Variants in TXNRD2 observed in about 807,000 individuals in gnomAD.
The protein encoded by TXNRD2 is thioredoxin reductase 2, mitochondrial.
TXNRD2 carries 67 observed loss-of-function variants against 70.8 expected under a neutral mutation model. The observed-to-expected ratio is 0.95, with a 90% confidence interval of 0.78 to 1.16. TXNRD2 has a LOEUF of 1.16. Among genes scored for constraint, TXNRD2 ranks in the 50% most tolerant of loss-of-function variants. The pLI, the probability that TXNRD2 is intolerant of heterozygous loss-of-function variation, is 0.00. For synonymous variants in TXNRD2, 301 were observed against 295.8 expected (o/e 1.02, Z -0.18); for missense variants, 644 against 719.9 (o/e 0.89, Z 1.21).
intron 2 of TXNRD2, among the ~76,000 whole-genome samples, chr22:19,930,628 A>G (rs1941320999): frequency 6.6e-6 from 1 of 152,186 alleles, no homozygotes; most frequent in Non-Finnish European, 1.5e-5. Flanking sequence ...CCAGCCTCGC[A>G]GCTAGCCGGG....
At chr22:19,919,454 C>T (rs1940798743) in intron 3 of TXNRD2, 89 bp downstream of exon 3, 3 of 1,205,584 alleles carry the variant, frequency 2.5e-6, no homozygotes, top group Non-Finnish European at 3.6e-6. Flanking sequence ...GGCTGAAGGA[C>T]TTTGGTGTCA....
At chr22:19,919,949 T>C (rs71312725) in intron 2 of TXNRD2, among the ~76,000 whole-genome samples, 19,451 of 152,090 alleles carry the variant, frequency 0.13, 1,362 homozygotes, top group Non-Finnish European at 0.15. Context: ...TGCCCCTGCA[T>C]GTTCACGTTC....
Position 19,931,115 on chromosome 22 carries a change from G to C in TXNRD2, c.104-17C>G. The C allele has an allele frequency of 6.2e-7, 1 of 1,612,008 alleles. No homozygotes were observed. The highest frequency in any genetic ancestry group is 8.5e-7 in the Non-Finnish European group (1 of 1,179,152). ...GCTGACCTGCTGAGAGAAGGGATGA[G>C]AGGTGGGACGGACTGTCTGTCTGGT... On this transcript the variant is annotated splice_polypyrimidine_tract_variant and intron_variant, in intron 1 of 17. Coordinates refer to ENST00000400521, the MANE Select transcript of TXNRD2 (RefSeq NM_006440.5).
intron 5 of TXNRD2, among the ~76,000 whole-genome samples, chr22:19,917,779 C>T (rs1364053919): frequency 6.6e-6 from 1 of 152,152 alleles, no homozygotes; most frequent in East Asian, 1.9e-4. Context: ...TGGGGGCTTG[C>T]CACTGGGATG....
At chr22:19,941,326 G>A (rs1166074294) in intron 1 of TXNRD2, among the ~76,000 whole-genome samples, 1 of 152,176 alleles carries the variant, frequency 6.6e-6, no homozygotes, top group Admixed American at 6.5e-5. Flanking sequence ...AACCTCTAGA[G>A]TCTAGGGGTC....
rs180834747 is a variant in TXNRD2, at chr22:19,925,096, A to C, written c.173-5497T>G. Among the ~76,000 whole-genome samples, 75 of 151,896 alleles carry C rather than the reference A, an allele frequency of 4.9e-4. 2 individuals carry two copies. The highest frequency in any genetic ancestry group is 2.1e-3 in the East Asian group (11 of 5,188). On this transcript the variant is annotated intron_variant, in intron 2 of 17. Coordinates refer to ENST00000400521, the MANE Select transcript of TXNRD2 (RefSeq NM_006440.5). Reference sequence around the variant, plus strand: ...TCAGGAGATCGAGACCATCCTGGCTAACACGGCGAAGCCCCGTTTCTACTA... The same window carrying C: ...TCAGGAGATCGAGACCATCCTGGCTCACACGGCGAAGCCCCGTTTCTACTA...
rs35285035 is a variant in TXNRD2 at position 19,905,914 on chromosome 22, TAA to T, written c.662+5461_662+5462del. 8.9e-3 allele frequency among the ~76,000 whole-genome samples: 1,181 copies of T among 132,296 alleles called. 19 individuals are homozygous for T. The highest frequency in any genetic ancestry group is 0.029 in the African/African-American group (1,029 of 36,024). 86.8% of individuals were successfully genotyped at this position (132,296 alleles called of 152,430 possible). A position where few individuals can be genotyped will look rare whatever the true frequency, so the allele number is the denominator to read the frequency against. The stretch of plus-strand genomic sequence containing the variant: ...ACGCCCATAAGGAAAATACAGGGCT[TAA>T]AAAAAAAAAAAAAAAATCTTGGGGG... On this transcript the variant is annotated intron_variant, in intron 8 of 17. Coordinates refer to ENST00000400521, the MANE Select transcript of TXNRD2 (RefSeq NM_006440.5).
intron 2 of TXNRD2, among the ~76,000 whole-genome samples, chr22:19,928,299 G>T (rs1371326806): frequency 6.6e-6 from 1 of 152,014 alleles, no homozygotes; most frequent in Non-Finnish European, 1.5e-5. Flanking sequence ...TGTCCACAAT[G>T]GCCAAAAGGT....
At chr22:19,935,166 C>T (rs554481539) in intron 1 of TXNRD2, among the ~76,000 whole-genome samples, 3 of 152,198 alleles carry the variant, frequency 2.0e-5, no homozygotes, top group South Asian at 2.1e-4. Context: ...GGAGAGATAT[C>T]GCTAAATTCT....
At chr22:19,915,396 C>A in intron 6 of TXNRD2, 120 bp from the exon 7 acceptor site, 2 of 1,043,610 alleles carry the variant, frequency 1.9e-6, no homozygotes, top group African/African-American at 1.6e-5. Context: ...GTAGCGTGGA[C>A]CCTTGGCCAG....
chr22:19,890,117 C>G (rs1939201615), intron 11 of TXNRD2, among the ~76,000 whole-genome samples: 2 of 152,174 alleles, frequency 1.3e-5, no homozygotes, highest in South Asian at 4.1e-4. Flanking sequence ...TCCTGCTACT[C>G]TGGCCTGGCC....
In TXNRD2 at chr22:19,924,719, C is replaced by G. The variant is rs10427957; in HGVS notation, c.173-5120G>C. On this transcript the variant is annotated intron_variant, in intron 2 of 17. Coordinates refer to ENST00000400521, the MANE Select transcript of TXNRD2 (RefSeq NM_006440.5). Reference sequence around the variant, plus strand: ...TTGAAAACATAGGAATAGAAACTATCCAAAATGAAACGCAGAGTAAGAAAT... The same window carrying G: ...TTGAAAACATAGGAATAGAAACTATGCAAAATGAAACGCAGAGTAAGAAAT... 2.6e-3 allele frequency among the ~76,000 whole-genome samples: 399 copies of G among 152,110 alleles called. 2 individuals are homozygous for G. Among genetic ancestry groups the G allele is most frequent in the East Asian group, 0.016 (84 of 5,180 alleles).
At chr22:19,932,830 A>C (rs1025058875) in intron 1 of TXNRD2, among the ~76,000 whole-genome samples, 3 of 152,156 alleles carry the variant, frequency 2.0e-5, no homozygotes, top group Non-Finnish European at 4.4e-5. Context: ...AACCTGCCCA[A>C]CACCTCCATC....
In TXNRD2 at chr22:19,901,205, G is replaced by A. The variant is rs112011114; in HGVS notation, c.663-2137C>T. ...TGACCCACCAGGCCTGGATTGGAGC[G>A]GGGGCAGGTGACTCTCCAGGCCCTC... is the stretch of plus-strand genomic sequence containing the variant. On this transcript the variant is annotated intron_variant, in intron 8 of 17. Coordinates refer to ENST00000400521, the MANE Select transcript of TXNRD2 (RefSeq NM_006440.5). 1.0e-2 allele frequency among the ~76,000 whole-genome samples: 1,516 copies of A among 152,330 alleles called. 22 individuals carry two copies. Among genetic ancestry groups the A allele is most frequent in the African/African-American group, 0.033 (1,376 of 41,576 alleles).
intron 11 of TXNRD2, among the ~76,000 whole-genome samples, chr22:19,884,926 G>A (rs1254954198): frequency 6.6e-6 from 1 of 152,186 alleles, no homozygotes; most frequent in African/African-American, 2.4e-5. Flanking sequence ...GCCAAGGGGA[G>A]CTGAGCTAAG....
chr22:19,899,220 GC>G, intron 8 of TXNRD2, 152 bp from the exon 9 acceptor site: 1 of 962,020 alleles, frequency 1.0e-6, no homozygotes, highest in Non-Finnish European at 1.6e-6. Context: ...AGGGGACAAA[GC>G]CCACTTTCCA....
At chr22:19,933,285 T>C (rs746758436) in intron 1 of TXNRD2, 3 of 425,456 alleles carry the variant, frequency 7.1e-6, no homozygotes, top group Non-Finnish European at 1.4e-5. Context: ...ATTATTCTAA[T>C]GGCTTTAATA....
At chr22:19,929,895 G>C (rs1019552076) in intron 2 of TXNRD2, among the ~76,000 whole-genome samples, 7 of 152,188 alleles carry the variant, frequency 4.6e-5, no homozygotes, top group Non-Finnish European at 8.8e-5. Flanking sequence ...CCTCTGCAGG[G>C]AAATGCCACT....
chr22:19,903,349 C>T (rs1939863824), intron 8 of TXNRD2, among the ~76,000 whole-genome samples: 1 of 152,244 alleles, frequency 6.6e-6, no homozygotes, highest in Admixed American at 6.5e-5. Flanking sequence ...CCAGTGTTGC[C>T]AGCTCAGAGC....
Sources: allele counts gnomAD v4.1 joint callset (sites outside exome capture counted in the v4.1 genomes callset), GRCh38; gene constraint gnomAD v4.1.1; transcripts MANE v1.5; gene names NCBI Gene and HGNC (gene_info 2026-07-23, HGNC 2026-07-21).